The following SNAP47 variants were observed in gnomAD, a reference collection of about 807,000 sequenced individuals.
SNAP47 encodes synaptosome associated protein 47, also known as synaptosomal-associated protein 47.
A neutral mutation model predicts 31.4 loss-of-function variants in SNAP47; 20 were observed. The observed-to-expected ratio is 0.64, with a 90% CI of 0.45 to 0.93. The LOEUF (loss-of-function observed/expected upper bound fraction) is 0.93. SNAP47 is among the 40% of genes least tolerant of loss of function. SNAP47 has a pLI of 0.00. For synonymous variants in SNAP47, 194 were observed against 213.4 expected, an observed-to-expected ratio of 0.91 and a Z score of 0.79; for missense variants, 492 against 528.5, an observed-to-expected ratio of 0.93 and a Z score of 0.68.
At chr1:227,769,474 G>A (rs756956077) in intron 4 of SNAP47, among the ~76,000 whole-genome samples, 1 of 152,030 alleles carries the variant, frequency 6.6e-6, no homozygotes, top group Admixed American at 6.5e-5. Flanking sequence ...TCAAGCAGAA[G>A]CCAGAGTGAG....
intron 2 of SNAP47, among the ~76,000 whole-genome samples, chr1:227,749,365 G>T (rs571749368): frequency 6.6e-6 from 1 of 152,120 alleles, no homozygotes; most frequent in Non-Finnish European, 1.5e-5. Flanking sequence ...CTGCCCTCAG[G>T]TTCCATCCAG....
intron 4 of SNAP47, among the ~76,000 whole-genome samples, chr1:227,773,227 TCC>T (rs1222348483): frequency 6.9e-6 from 1 of 145,204 alleles, no homozygotes; most frequent in East Asian, 2.1e-4. Context: ...CTTCTCAGCC[TCC>T]CAAAGTGCTG....
chr1:227,733,926 C>A (rs530501299), upstream of SNAP47: 34 of 1,613,768 alleles, frequency 2.1e-5, no homozygotes, highest in Non-Finnish European at 2.9e-5. Context: ...GCAGGCCCCG[C>A]GTAGACAAAG....
chr1:227,767,319 A>G (rs1394082274), intron 4 of SNAP47, among the ~76,000 whole-genome samples: 1 of 152,154 alleles, frequency 6.6e-6, no homozygotes, highest in Non-Finnish European at 1.5e-5. Context: ...ACACATTCCT[A>G]TGCACACACA....
chr1:227,733,081 C>A (rs1660780872), upstream of SNAP47: 1 of 1,586,412 alleles, frequency 6.3e-7, no homozygotes, highest in Non-Finnish European at 8.6e-7. Context: ...GCCCCCTGAC[C>A]AACCCACATC....
In SNAP47 at chr1:227,763,387, C is replaced by T. The variant is rs1325148767; in HGVS notation, c.989-3572C>T. On this transcript the variant is annotated intron_variant, in intron 3 of 4. Coordinates refer to ENST00000617596, the MANE Select transcript of SNAP47 (RefSeq NM_053052.4). The surrounding 1 kb of genome is among the most constrained non-coding windows in gnomAD (Gnocchi z 4.2). The stretch of plus-strand genomic sequence containing the variant: ...TGCCTGTACCTCTGCTTCCCCGGGC[C>T]GTGTGTCTGTCTGCACAGCAGCACC... 6.6e-6 allele frequency among the ~76,000 whole-genome samples: 1 copy of T among 152,228 alleles called. No homozygotes were observed. Among genetic ancestry groups the T allele is most frequent in the Non-Finnish European group, 1.5e-5 (1 of 68,046 alleles).
At chr1:227,745,585 C>T (rs1421448358) in intron 1 of SNAP47, among the ~76,000 whole-genome samples, 3 of 152,120 alleles carry the variant, frequency 2.0e-5, no homozygotes, top group Non-Finnish European at 2.9e-5. Context: ...GGGTCTGAGA[C>T]GGCTTCTACC....
intron 3 of SNAP47, 136 bp downstream of exon 3, chr1:227,759,621 G>A (rs1055572654): frequency 1.9e-5 from 22 of 1,177,334 alleles, no homozygotes; most frequent in African/African-American, 7.7e-5. Context: ...GAGACAGCTC[G>A]TTTGTTTATA....
At position 227,747,672 on chromosome 1, in the gene SNAP47, T is replaced by C. The variant is rs771194379; in HGVS notation, c.-45-20T>C. ...CAGTCCATGGGTGACGGCAGAACGT[T>C]ACTGTCTCTTCTCCTTCAGAGGCAG... On this transcript the variant is annotated intron_variant, in intron 1 of 4. Coordinates refer to ENST00000617596, the MANE Select transcript of SNAP47 (RefSeq NM_053052.4). 2 of 1,567,204 alleles carry C rather than the reference T, an allele frequency of 1.3e-6. No individual in the cohort carries two copies. The highest frequency in any genetic ancestry group is 1.7e-6 in the Non-Finnish European group (2 of 1,153,276).
chr1:227,735,065 C>T (rs1660989043), upstream of SNAP47: 1 of 1,559,426 alleles, frequency 6.4e-7, no homozygotes, highest in Non-Finnish European at 8.7e-7. Context: ...CGTCACCCAG[C>T]GCCGCCGGCT....
At chr1:227,767,546 CAT>C (rs978861585) in intron 4 of SNAP47, among the ~76,000 whole-genome samples, 17 of 151,794 alleles carry the variant, frequency 1.1e-4, no homozygotes, top group Non-Finnish European at 1.6e-4. Context: ...CTTGTGAGTA[CAT>C]GTGTGTGTTG....
chr1:227,733,084 C>A (rs1660781090), upstream of SNAP47: 1 of 1,581,204 alleles, frequency 6.3e-7, no homozygotes, highest in East Asian at 2.2e-5. Context: ...CCCTGACCAA[C>A]CCACATCTCC....
intron 3 of SNAP47, 133 bp from the exon 4 acceptor site, chr1:227,766,826 C>A (rs1243496331): frequency 7.6e-7 from 1 of 1,311,354 alleles, no homozygotes; most frequent in Non-Finnish European, 1.0e-6. Flanking sequence ...TCACAGAGGT[C>A]GAGAGAGGAA....
At chr1:227,767,199 G>T in intron 4 of SNAP47, 116 bp downstream of exon 4, 2 of 1,444,148 alleles carry the variant, frequency 1.4e-6, no homozygotes, top group East Asian at 2.5e-5. Context: ...TATTGGCCTC[G>T]CACCAAGGAG....
chr1:227,764,328 G>C (rs141147770), intron 3 of SNAP47, among the ~76,000 whole-genome samples: 1 of 152,212 alleles, frequency 6.6e-6, no homozygotes, highest in East Asian at 1.9e-4. Context: ...GGCTTGAGGC[G>C]TAAGAATTCT....
At chr1:227,779,821 T>A (rs575447695) in intron 4 of SNAP47, among the ~76,000 whole-genome samples, 1 of 152,124 alleles carries the variant, frequency 6.6e-6, no homozygotes, top group East Asian at 1.9e-4. Context: ...GGGACACATC[T>A]CTGTGCTAGC....
Position 227,740,938 on chromosome 1 carries a change from G to GACA in SNAP47, c.-46+5439_-46+5440insACA, listed in dbSNP as rs1262352724. On this transcript the variant is annotated intron_variant, in intron 1 of 4. Coordinates refer to ENST00000617596, the MANE Select transcript of SNAP47 (RefSeq NM_053052.4). ...AGTTGGGGTGCCCGTTAGGGGTGGG[G>GACA]GCAGATGCCCAGCGGGTGACAGGAG... 2.0e-5 allele frequency among the ~76,000 whole-genome samples: 3 copies of GACA among 148,288 alleles called. No homozygotes were observed. The East Asian group carries it at 5.8e-4, about 29-fold the overall frequency.
rs754848058 is a variant in SNAP47 at position 227,759,078 on chromosome 1, A to G, written c.581A>G (p.Glu194Gly). 6.2e-7 allele frequency: 1 copy of G among 1,614,202 alleles called. No homozygotes were observed. The highest frequency in any genetic ancestry group is 8.5e-7 in the Non-Finnish European group (1 of 1,180,044). ...WKTPPETKPR[E>G]DVSMTSCEPF... ...ACACCACCGGAAACAAAGCCCAGGG[A>G]AGATGTCTCCATGACCAGTTGTGAA... Residue 194 changes from glutamate (E) to glycine (G), a missense_variant, in exon 3 of 5, where the codon GAA becomes GGA. Physicochemically the swap from Glu to Gly is moderately conservative, Grantham distance 98. Transcript: ENST00000617596.
intron 2 of SNAP47, 92 bp downstream of exon 2, chr1:227,748,325 T>C: frequency 7.5e-7 from 1 of 1,336,200 alleles, no homozygotes; most frequent in East Asian, 2.5e-5. Context: ...CACTGCACCA[T>C]ATTTGCACAC....
Sources: allele counts gnomAD v4.1 joint callset (sites outside exome capture counted in the v4.1 genomes callset), GRCh38; gene constraint gnomAD v4.1.1; non-coding constraint Gnocchi (gnomAD v3.1); transcripts MANE v1.5; gene names NCBI Gene and HGNC (gene_info 2026-07-23, HGNC 2026-07-21).